The following CTNNA3 variants were observed in gnomAD, a reference collection of about 807,000 sequenced individuals.
CTNNA3 encodes the protein catenin alpha 3, also known as catenin alpha-3.
CTNNA3 carries 76 observed loss-of-function variants against 95.7 expected under a neutral mutation model. The observed-to-expected ratio is 0.79, with a 90% CI of 0.66 to 0.96. The LOEUF is 0.96. Ranked by LOEUF, CTNNA3 falls within the 40% of genes least tolerant of loss-of-function variation. The pLI, the probability that CTNNA3 is intolerant of heterozygous loss-of-function variation, is 0.00. For synonymous variants in CTNNA3, 431 were observed against 374.4 expected (o/e 1.15, Z -1.74); for missense variants, 1,191 against 1,089.8 (o/e 1.09, Z -1.31).
chr10:66,217,887 A>G (rs1460916162), intron 13 of CTNNA3, among the ~76,000 whole-genome samples: 1 of 151,858 alleles, frequency 6.6e-6, no homozygotes, highest in East Asian at 1.9e-4. Context: ...TGAAGACTGA[A>G]AAACCAGACT....
intron 7 of CTNNA3, among the ~76,000 whole-genome samples, chr10:67,004,453 T>C (rs1851860453): frequency 6.6e-6 from 1 of 152,224 alleles, no homozygotes; most frequent in Non-Finnish European, 1.5e-5. Context: ...GCATGGTGTC[T>C]GATACTTCAT....
At chr10:67,069,000 C>A (rs1564869367) in intron 7 of CTNNA3, among the ~76,000 whole-genome samples, 1 of 151,968 alleles carries the variant, frequency 6.6e-6, no homozygotes, top group Non-Finnish European at 1.5e-5. Context: ...GTACAGGTTG[C>A]AGCTCAGATC....
At chr10:67,526,337 A>G (rs1416908179) in intron 4 of CTNNA3, among the ~76,000 whole-genome samples, 2 of 149,896 alleles carry the variant, frequency 1.3e-5, no homozygotes, top group Non-Finnish European at 1.5e-5. Flanking sequence ...GCTCACATAC[A>G]TATCTCAAAT....
At chr10:67,078,731 T>C (rs1856873265) in intron 7 of CTNNA3, among the ~76,000 whole-genome samples, 1 of 152,112 alleles carries the variant, frequency 6.6e-6, no homozygotes, top group South Asian at 2.1e-4. Context: ...TTAGCCAGGA[T>C]GGTCTCAATC....
chr10:66,093,069 G>A lies in CTNNA3; in HGVS notation c.1977+10088C>T, dbSNP rs375936290. ...AAGCTCCACTGTCTGATAAGTAAGAGCATATTAAGATATTTGGTAAAAATC... is the reference window on the plus strand; with the variant it reads ...AAGCTCCACTGTCTGATAAGTAAGAACATATTAAGATATTTGGTAAAAATC... On this transcript the variant is annotated intron_variant, in intron 14 of 17. Coordinates refer to ENST00000433211, the MANE Select transcript of CTNNA3 (RefSeq NM_013266.4). Among the ~76,000 whole-genome samples, 7 of 151,974 alleles carry A rather than the reference G, an allele frequency of 4.6e-5. No homozygotes were observed. In the East Asian group the frequency reaches 7.7e-4, roughly 17 times the overall value.
intron 13 of CTNNA3, among the ~76,000 whole-genome samples, chr10:66,115,452 A>G (rs2082288622): frequency 6.6e-6 from 1 of 152,100 alleles, no homozygotes; most frequent in South Asian, 2.1e-4. Context: ...AAAGTTTTCC[A>G]TAACAAAGAT....
intron 13 of CTNNA3, among the ~76,000 whole-genome samples, chr10:66,273,720 CA>C (rs1318187625): frequency 1.3e-5 from 2 of 151,988 alleles, no homozygotes; most frequent in East Asian, 3.9e-4. Context: ...GGTAATTAAA[CA>C]ACTTTATTTG....
intron 5 of CTNNA3, among the ~76,000 whole-genome samples, chr10:67,406,749 C>T (rs1845151273): frequency 6.6e-6 from 1 of 151,990 alleles, no homozygotes; most frequent in Non-Finnish European, 1.5e-5. Context: ...TTACCACTGA[C>T]CCACAGAAAT....
At position 67,302,862 on chromosome 10, in the gene CTNNA3, T is replaced by C. The variant is rs77187414; in HGVS notation, c.580-82992A>G. ...GCATTAAACAGATGGTATAACCAAA[T>C]TAGAATAATTGAAAAAGGATTGAAT... On this transcript the variant is annotated intron_variant, in intron 5 of 17. Coordinates refer to ENST00000433211, the MANE Select transcript of CTNNA3 (RefSeq NM_013266.4). 4.2e-3 allele frequency among the ~76,000 whole-genome samples: 633 copies of C among 152,188 alleles called. 2 individuals carry two copies. Among genetic ancestry groups the C allele is most frequent in the Middle Eastern group, 0.02 (6 of 294 alleles).
At chr10:66,032,303 A>T (rs1236900210) in intron 15 of CTNNA3, among the ~76,000 whole-genome samples, 2 of 152,150 alleles carry the variant, frequency 1.3e-5, no homozygotes, top group South Asian at 4.1e-4. Flanking sequence ...ATGTGAAAAA[A>T]CCCTTTGATT....
chr10:66,710,340 T>A lies in CTNNA3; in HGVS notation c.1281+55924A>T, dbSNP rs368115947. Among the ~76,000 whole-genome samples, 4 of 152,148 alleles carry A rather than the reference T, an allele frequency of 2.6e-5. No individual in the cohort carries two copies. In the East Asian group the frequency reaches 5.8e-4, roughly 22 times the overall value. ...ATTTAAAACTATTTATAATCATGAATGAAATTTAAAAGAGTCAAGACACTA... is the reference window on the plus strand; with the variant it reads ...ATTTAAAACTATTTATAATCATGAAAGAAATTTAAAAGAGTCAAGACACTA... On this transcript the variant is annotated intron_variant, in intron 9 of 17. Transcript: ENST00000433211.
chr10:67,676,200 G>A (rs1266112250), intron 1 of CTNNA3, among the ~76,000 whole-genome samples: 1 of 151,968 alleles, frequency 6.6e-6, no homozygotes, highest in African/African-American at 2.4e-5. Flanking sequence ...GGAATTATAA[G>A]AAATCACAAA....
At chr10:66,180,089 C>T (rs1273752372) in intron 13 of CTNNA3, among the ~76,000 whole-genome samples, 2 of 152,048 alleles carry the variant, frequency 1.3e-5, no homozygotes, top group Non-Finnish European at 2.9e-5. Flanking sequence ...CTGTATGCTG[C>T]CAATTAGATA....
At chr10:66,777,943 T>C (rs551842183) in intron 7 of CTNNA3, among the ~76,000 whole-genome samples, 1 of 152,200 alleles carries the variant, frequency 6.6e-6, no homozygotes, top group South Asian at 2.1e-4. Context: ...AGCAGAAGCA[T>C]ACCAAACTTT....
chr10:66,918,113 T>C (rs1846590702), intron 7 of CTNNA3, among the ~76,000 whole-genome samples: 1 of 152,238 alleles, frequency 6.6e-6, no homozygotes, highest in Non-Finnish European at 1.5e-5. Flanking sequence ...CAAATGAATT[T>C]TGATTGCTAT....
At chr10:67,503,675 AG>A (rs981021967) in intron 5 of CTNNA3, among the ~76,000 whole-genome samples, 1 of 152,214 alleles carries the variant, frequency 6.6e-6, no homozygotes, top group African/African-American at 2.4e-5. Flanking sequence ...TATACAAAAA[AG>A]ACCTTTAAAA....
intron 13 of CTNNA3, among the ~76,000 whole-genome samples, chr10:66,189,598 A>ATT (rs1258940642): frequency 9.3e-5 from 10 of 107,042 alleles, no homozygotes; most frequent in African/African-American, 2.4e-4. Flanking sequence ...GTTACTATAG[A>ATT]TTTATATATA....
At chr10:67,731,518 T>G (rs920979204) in intron 1 of CTNNA3, among the ~76,000 whole-genome samples, 25 of 150,996 alleles carry the variant, frequency 1.7e-4, no homozygotes, top group African/African-American at 5.6e-4. Flanking sequence ...TATTTTGCTT[T>G]TAGGCCGGGC....
chr10:66,529,333 T>C (rs1841377189), intron 10 of CTNNA3, among the ~76,000 whole-genome samples: 1 of 152,098 alleles, frequency 6.6e-6, no homozygotes, highest in African/African-American at 2.4e-5. Flanking sequence ...GGTTTCACCA[T>C]GTTGGGCAGG....
Sources: allele counts gnomAD v4.1 joint callset (sites outside exome capture counted in the v4.1 genomes callset), GRCh38; gene constraint gnomAD v4.1.1; transcripts MANE v1.5; gene names NCBI Gene and HGNC (gene_info 2026-07-23, HGNC 2026-07-21).